The following SH3KBP1 variants were observed in gnomAD, a reference collection of about 807,000 sequenced individuals.
SH3KBP1 encodes SH3 domain-containing kinase-binding protein 1.
Under a neutral mutation model 50.1 loss-of-function variants are expected in SH3KBP1, and 8 were observed. The observed-to-expected ratio is 0.16, with a 90% CI of 0.09 to 0.29. SH3KBP1 has a LOEUF of 0.29. Ranked by LOEUF, SH3KBP1 falls within the 10% of genes least tolerant of loss-of-function variation. The pLI, the probability that SH3KBP1 is intolerant of heterozygous loss-of-function variation, is 1.00. For missense variants in SH3KBP1, 377 were observed against 535.2 expected (o/e 0.70, Z 2.92); for synonymous variants, 227 against 218.6 (o/e 1.04, Z -0.34).
intron 12 of SH3KBP1, among the ~76,000 whole-genome samples, chrX:19,575,191 C>T (rs771420986): frequency 1.8e-5 from 2 of 112,514 alleles, no homozygotes; most frequent in Non-Finnish European, 3.8e-5. Context: ...GTGCAAATTG[C>T]TTGTAGCTAC....
intron 2 of SH3KBP1, among the ~76,000 whole-genome samples, chrX:19,766,738 G>A (rs1381200227): frequency 2.7e-5 from 3 of 109,440 alleles, no homozygotes; most frequent in African/African-American, 6.7e-5. Flanking sequence ...TGATCCACCC[G>A]CCTCGGCCTC....
chrX:19,581,798 T>G (rs1317022981), intron 12 of SH3KBP1, among the ~76,000 whole-genome samples: 8 of 105,515 alleles, frequency 7.6e-5, no homozygotes, highest in African/African-American at 2.8e-4. Context: ...AACTCATCAG[T>G]CACTTAACTC....
chrX:19,572,891 T>A (rs904851825), intron 12 of SH3KBP1, among the ~76,000 whole-genome samples: 1 of 111,675 alleles, frequency 9.0e-6, no homozygotes, highest in Non-Finnish European at 1.9e-5. Context: ...GCAGCACACA[T>A]ATACCCACGT....
At chrX:19,771,634 C>T (rs990607408) in intron 2 of SH3KBP1, among the ~76,000 whole-genome samples, 3 of 111,437 alleles carry the variant, frequency 2.7e-5, no homozygotes, top group South Asian at 7.3e-4. Context: ...GGGGCCAAAG[C>T]GGGCAGATCG....
At chrX:19,757,633 C>A (rs186533814) in intron 2 of SH3KBP1, among the ~76,000 whole-genome samples, 64 of 109,645 alleles carry the variant, frequency 5.8e-4, no homozygotes, top group African/African-American at 1.5e-3. Context: ...CTACCCGCCT[C>A]TTATGTGAAA....
intron 4 of SH3KBP1, among the ~76,000 whole-genome samples, chrX:19,705,543 T>TA (rs1432986832): frequency 9.0e-6 from 1 of 111,068 alleles, no homozygotes; most frequent in African/African-American, 3.3e-5. Context: ...CCACCAGGGG[T>TA]AAAAAAGGAT....
chrX:19,757,726 G>C (rs1252504829), intron 2 of SH3KBP1, among the ~76,000 whole-genome samples: 1 of 110,873 alleles, frequency 9.0e-6, no homozygotes. Flanking sequence ...CATAGCACCT[G>C]TCTCCCGGGC....
At chrX:19,670,237 C>A (rs2062752271) in intron 6 of SH3KBP1, 2 of 307,500 alleles carry the variant, frequency 6.5e-6, no homozygotes, top group Non-Finnish European at 4.3e-6. Context: ...AAATGCCCCG[C>A]ACTACAAAAC....
intron 11 of SH3KBP1, among the ~76,000 whole-genome samples, chrX:19,590,793 G>A (rs943716369): frequency 4.0e-5 from 4 of 100,118 alleles, no homozygotes; most frequent in Non-Finnish European, 6.0e-5. Context: ...ATGGACACAG[G>A]CCACCAGGCC....
intron 11 of SH3KBP1, among the ~76,000 whole-genome samples, chrX:19,590,719 C>T (rs2066717845): frequency 9.5e-6 from 1 of 105,674 alleles, no homozygotes; most frequent in Admixed American, 1.0e-4. Context: ...TCACAGCTCA[C>T]AGCAGTCTTG....
At chrX:19,869,637 T>C (rs951403459) in intron 1 of SH3KBP1, among the ~76,000 whole-genome samples, 1 of 112,488 alleles carries the variant, frequency 8.9e-6, no homozygotes, top group African/African-American at 3.2e-5. Context: ...GATGGCAGTT[T>C]AGCCTATATC....
intron 2 of SH3KBP1, among the ~76,000 whole-genome samples, chrX:19,757,230 C>A (rs1437185764): frequency 1.0e-5 from 1 of 98,362 alleles, no homozygotes; most frequent in Non-Finnish European, 2.0e-5. Context: ...AGGAAAAAGT[C>A]AAGCTGGGAA....
At chrX:19,650,292 G>T (rs1008085972) in intron 6 of SH3KBP1, among the ~76,000 whole-genome samples, 1 of 112,415 alleles carries the variant, frequency 8.9e-6, no homozygotes, top group African/African-American at 3.2e-5. Flanking sequence ...ATTAATAAAG[G>T]AAAGAGGTTT....
At chrX:19,770,914 T>C (rs780302173) in intron 2 of SH3KBP1, among the ~76,000 whole-genome samples, 3 of 111,881 alleles carry the variant, frequency 2.7e-5, no homozygotes, top group African/African-American at 9.7e-5. Context: ...TTTAAGTTCC[T>C]TACACGTGCT....
At chrX:19,742,784 T>C (rs1173730066) in intron 3 of SH3KBP1, among the ~76,000 whole-genome samples, 1 of 112,228 alleles carries the variant, frequency 8.9e-6, no homozygotes, top group African/African-American at 3.2e-5. Flanking sequence ...TTCTGTCTGG[T>C]TCATCAAGAG....
intron 2 of SH3KBP1, among the ~76,000 whole-genome samples, chrX:19,803,163 G>A (rs1303554607): frequency 8.9e-6 from 1 of 112,063 alleles, no homozygotes; most frequent in Non-Finnish European, 1.9e-5. Context: ...TGGTGACAAT[G>A]CACAACATCT....
chrX:19,770,357 A>G (rs772797462), intron 2 of SH3KBP1, among the ~76,000 whole-genome samples: 1 of 112,009 alleles, frequency 8.9e-6, no homozygotes, highest in Non-Finnish European at 1.9e-5. Context: ...CCGTGTTCCC[A>G]CAAAAGACAT....
At chrX:19,730,042 C>A in intron 3 of SH3KBP1, among the ~76,000 whole-genome samples, 1 of 110,931 alleles carries the variant, frequency 9.0e-6, no homozygotes, top group Admixed American at 9.6e-5. Context: ...AACTGCCTTA[C>A]CTTTTATCTC....
At position 19,874,447 on chromosome X, in the gene SH3KBP1, T is replaced by TTG. The variant is rs1556423724; in HGVS notation, c.4+12859_4+12860insCA. Among the ~76,000 whole-genome samples, 27 of 30,147 alleles carry TTG rather than the reference T, an allele frequency of 9.0e-4. 1 individual carries two copies. Among genetic ancestry groups the TTG allele is most frequent in the African/African-American group, 3.0e-3 (24 of 7,917 alleles). 26.2% of individuals were successfully genotyped at this position (30,147 alleles called of 115,157 possible). On this transcript the variant is annotated intron_variant, in intron 1 of 17. Coordinates refer to ENST00000397821, the MANE Select transcript of SH3KBP1 (RefSeq NM_031892.3). ...GAGAGGAAGAGTTGGGGGGGCAAAG[T>TTG]GGGGGGGTGTGGAGGTGTTGAGGGG...
Sources: allele counts gnomAD v4.1 joint callset (sites outside exome capture counted in the v4.1 genomes callset), GRCh38; gene constraint gnomAD v4.1.1; transcripts MANE v1.5; gene names NCBI Gene and HGNC (gene_info 2026-07-23, HGNC 2026-07-21).